The following RUBCN variants were observed in gnomAD, a reference collection of about 807,000 sequenced individuals.
RUBCN encodes rubicon autophagy regulator, also known as run domain Beclin-1-interacting and cysteine-rich domain-containing protein.
In RUBCN, 74 loss-of-function variants were observed where a neutral mutation model predicts 113.2. That is an observed-to-expected ratio of 0.65 (90% CI 0.54 to 0.79). The LOEUF is 0.79. Among genes scored for constraint, RUBCN ranks in the 30% least tolerant of loss-of-function variants. The pLI is 0.00. For missense variants in RUBCN, 1,109 were observed against 1,251.7 expected (o/e 0.89, Z 1.72); for synonymous variants, 480 against 490.0 (o/e 0.98, Z 0.27).
chr3:197,734,693 A>C (rs185782376), intron 1 of RUBCN, among the ~76,000 whole-genome samples: 4 of 152,352 alleles, frequency 2.6e-5, no homozygotes, highest in Admixed American at 2.0e-4. Context: ...AGCCTCCCTC[A>C]CATGAAGTGG....
intron 1 of RUBCN, among the ~76,000 whole-genome samples, chr3:197,732,183 A>T (rs945312837): frequency 2.0e-5 from 3 of 152,220 alleles, no homozygotes; most frequent in African/African-American, 7.2e-5. Context: ...CAGTACATGT[A>T]CCTGAGCTGC....
upstream of RUBCN, among the ~76,000 whole-genome samples, chr3:197,740,193 A>C (rs968225553): frequency 3.3e-5 from 5 of 151,664 alleles, no homozygotes; most frequent in Admixed American, 1.3e-4. Flanking sequence ...TGCGTTACCT[A>C]TCCCATCCCT....
upstream of RUBCN, among the ~76,000 whole-genome samples, chr3:197,738,744 C>A (rs1728367621): frequency 6.7e-6 from 1 of 150,340 alleles, no homozygotes; most frequent in Non-Finnish European, 1.5e-5. Flanking sequence ...CTATGCCCAG[C>A]TAATTTGTTT....
intron 4 of RUBCN, 147 bp from the exon 5 acceptor site, chr3:197,703,801 C>T (rs1040796531): frequency 5.3e-5 from 36 of 678,112 alleles, no homozygotes; most frequent in Middle Eastern, 3.8e-4. Context: ...CTGAAGAACG[C>T]GAGGTGCAGC....
rs371541978 is a variant in RUBCN, at chr3:197,694,381, G to C, written c.1678C>G (p.His560Asp). The C allele has an allele frequency of 5.0e-6, 8 of 1,614,158 alleles. No homozygotes were observed. Among genetic ancestry groups the C allele is most frequent in the African/African-American group, 1.3e-5 (1 of 75,062 alleles). Residue 560 changes from histidine (H) to aspartate (D), a missense_variant, in exon 10 of 20, where the codon CAC becomes GAC. His to Asp is a moderately conservative substitution (Grantham distance 81). Around this residue, in one of 3 missense-constraint regions of RUBCN, gnomAD observed 736 missense variants for 779.6 expected, o/e 0.94. Transcript: ENST00000296343. ...ATCCACAGGCTCCACTGACTTCCGT[G>C]CTCAGCCTCCTGGTACATGGGGAGC... The part of the protein sequence containing the change: ...NLLPMYQEAE[H>D]GSFRVTSSSS...
chr3:197,709,749 T>C (rs1025534633), intron 2 of RUBCN, among the ~76,000 whole-genome samples: 17 of 152,022 alleles, frequency 1.1e-4, no homozygotes, highest in African/African-American at 3.6e-4. Flanking sequence ...AGAATAGAAA[T>C]TGAGAAGTTG....
chr3:197,718,609 C>T (rs996052205), intron 1 of RUBCN, among the ~76,000 whole-genome samples: 1 of 151,884 alleles, frequency 6.6e-6, no homozygotes, highest in African/African-American at 2.4e-5. Flanking sequence ...CACCAACACA[C>T]CCAGATAATT....
At position 197,671,253 on chromosome 3, in the gene RUBCN, A is replaced by G. The variant is rs1171503226; in HGVS notation, c.*3765T>C. 6.6e-6 allele frequency: 1 copy of G among 152,086 alleles called. No homozygotes were observed. The highest frequency in any genetic ancestry group is 1.5e-5 in the Non-Finnish European group (1 of 68,022). The allele number at this position is 152,086 out of a possible 1,614,324, so 9.4% of individuals were successfully genotyped here. On this transcript the variant is annotated 3_prime_UTR_variant, in exon 20 of 20. Coordinates refer to ENST00000296343, the MANE Select transcript of RUBCN (RefSeq NM_014687.4). Reference sequence around the variant, plus strand: ...GGTCTTGAATTCCTGACCTCAGGTGATCCCCCTGCCTTGGTCTCTCAAAGT... The same window carrying G: ...GGTCTTGAATTCCTGACCTCAGGTGGTCCCCCTGCCTTGGTCTCTCAAAGT...
chr3:197,683,179 A>T lies in RUBCN; in HGVS notation c.1980+128T>A. The stretch of plus-strand genomic sequence containing the variant: ...TTCATTTATCACTTGACACATTGTA[A>T]TGAATGGCTTCCACGAGTAAGGGGG... On this transcript the variant is annotated intron_variant, in intron 13 of 19. Coordinates refer to ENST00000296343, the MANE Select transcript of RUBCN (RefSeq NM_014687.4). The surrounding 1 kb of genome is among the most constrained non-coding windows in gnomAD (Gnocchi z 4.6). 8.6e-7 allele frequency: 1 copy of T among 1,163,216 alleles called. No homozygotes were observed. Among genetic ancestry groups the T allele is most frequent in the Admixed American group, 1.7e-5 (1 of 59,086 alleles). The allele number at this position is 1,163,216 out of a possible 1,614,324, so 72.1% of individuals were successfully genotyped here.
chr3:197,708,431 C>T (rs138657248), intron 2 of RUBCN, among the ~76,000 whole-genome samples: 1 of 151,986 alleles, frequency 6.6e-6, no homozygotes, highest in African/African-American at 2.4e-5. Flanking sequence ...CCACCACACC[C>T]GGCCTATATG....
intron 1 of RUBCN, among the ~76,000 whole-genome samples, chr3:197,723,435 C>T (rs949733188): frequency 3.9e-5 from 6 of 152,196 alleles, no homozygotes; most frequent in Non-Finnish European, 7.4e-5. Flanking sequence ...ACCTGCCCAC[C>T]TCAGCCTCCC....
rs1045427364 is a variant in RUBCN at position 197,697,189 on chromosome 3, C to G, written c.1262-140G>C. 62 of 671,890 alleles carry G rather than the reference C, an allele frequency of 9.2e-5. 2 individuals carry two copies. Among genetic ancestry groups the G allele is most frequent in the South Asian group, 5.7e-4 (38 of 66,542 alleles). 41.6% of individuals were successfully genotyped at this position (671,890 alleles called of 1,614,324 possible). On this transcript the variant is annotated intron_variant, in intron 7 of 19. Coordinates refer to ENST00000296343, the MANE Select transcript of RUBCN (RefSeq NM_014687.4). ...GGAGAGAGGCGGCACACCAACGGAA[C>G]AGCCCAAGGGTACAGAAACACAGGG...
At chr3:197,691,094 G>T in intron 11 of RUBCN, 1 of 1,289,430 alleles carries the variant, frequency 7.8e-7, no homozygotes, top group Non-Finnish European at 1.0e-6. Flanking sequence ...CGAGGCCAGT[G>T]ACACTGACAG....
At chr3:197,729,011 C>A (rs1727082395) in intron 1 of RUBCN, among the ~76,000 whole-genome samples, 1 of 151,910 alleles carries the variant, frequency 6.6e-6, no homozygotes, top group Non-Finnish European at 1.5e-5. Context: ...CGCCTGTAAT[C>A]CCAGCACTTT....
chr3:197,746,174 T>C (rs1052571422), intron 1 of RUBCN, among the ~76,000 whole-genome samples: 2 of 152,168 alleles, frequency 1.3e-5, no homozygotes, highest in Non-Finnish European at 2.9e-5. Flanking sequence ...TATGACTAAG[T>C]ATAAAGTTTA....
At chr3:197,722,214 G>A (rs1726249527) in intron 1 of RUBCN, among the ~76,000 whole-genome samples, 1 of 151,744 alleles carries the variant, frequency 6.6e-6, no homozygotes, top group South Asian at 2.1e-4. Context: ...CTCCAGCCTG[G>A]GTGACAGAGT....
At chr3:197,692,065 C>T (rs1419859669) in intron 11 of RUBCN, among the ~76,000 whole-genome samples, 2 of 151,966 alleles carry the variant, frequency 1.3e-5, no homozygotes, top group Non-Finnish European at 1.5e-5. Flanking sequence ...TGGGGGCTAT[C>T]GAAAGAACCA....
rs890181275 is a variant in RUBCN at position 197,717,454 on chromosome 3, AG to A, written c.219+522del. Among the ~76,000 whole-genome samples the A allele has an allele frequency of 6.7e-5, 10 of 149,152 alleles. No individual in the cohort carries two copies. In the South Asian group the frequency reaches 1.1e-3, roughly 16 times the overall value. ...GCGAGACTCCGTCTCAAAAAAAAAAAGGGGGGGGCAGAGAGAGATTTGAAGG... is the reference window on the plus strand; with the variant it reads ...GCGAGACTCCGTCTCAAAAAAAAAAAGGGGGGGCAGAGAGAGATTTGAAGG... On this transcript the variant is annotated intron_variant, in intron 2 of 19. Coordinates refer to ENST00000296343, the MANE Select transcript of RUBCN (RefSeq NM_014687.4).
At chr3:197,701,990 G>A (rs1245262667) in intron 5 of RUBCN, 126 bp from the exon 6 acceptor site, 8 of 826,092 alleles carry the variant, frequency 9.7e-6, no homozygotes, top group Non-Finnish European at 1.4e-5. Flanking sequence ...ACTTTAGCCA[G>A]AGCCTGTAGA....
Sources: allele counts gnomAD v4.1 joint callset (sites outside exome capture counted in the v4.1 genomes callset), GRCh38; gene constraint gnomAD v4.1.1; regional missense constraint gnomAD v4.1.1; non-coding constraint Gnocchi (gnomAD v3.1); transcripts MANE v1.5; gene names NCBI Gene and HGNC (gene_info 2026-07-23, HGNC 2026-07-21).